Variants in PCDH15 observed in about 807,000 individuals in gnomAD.
PCDH15 encodes the protein protocadherin related 15.
Under a neutral mutation model 178.5 loss-of-function variants are expected in PCDH15, and 129 were observed. The observed-to-expected ratio is 0.72, with a 90% CI of 0.63 to 0.84. PCDH15 has a LOEUF of 0.84. Among genes scored for constraint, PCDH15 ranks in the 40% least tolerant of loss-of-function variants. The pLI is 0.00. For missense variants in PCDH15, 2,230 were observed against 2,099.9 expected (o/e 1.06, Z -1.21); for synonymous variants, 800 against 732.0 (o/e 1.09, Z -1.50).
At chr10:55,433,068 T>C (rs906835635) in intron 2 of PCDH15, among the ~76,000 whole-genome samples, 5 of 151,804 alleles carry the variant, frequency 3.3e-5, no homozygotes, top group African/African-American at 1.2e-4. Context: ...AAAACAGAAG[T>C]AGCATTCGAC....
intron 37 of PCDH15, chr10:53,808,160 C>CAGAT (rs2075725702): frequency 6.6e-6 from 1 of 152,154 alleles, no homozygotes. Context: ...CTTGAAGTTG[C>CAGAT]AGATACAAAC....
intron 21 of PCDH15, among the ~76,000 whole-genome samples, chr10:53,984,823 C>T (rs2134683842): frequency 6.6e-6 from 1 of 152,194 alleles, no homozygotes; most frequent in Non-Finnish European, 1.5e-5. Flanking sequence ...ATTTATGGTA[C>T]ATTGTATTAT....
chr10:54,277,441 T>C (rs993350052), intron 8 of PCDH15, among the ~76,000 whole-genome samples: 2 of 151,542 alleles, frequency 1.3e-5, no homozygotes, highest in Non-Finnish European at 3.0e-5. Context: ...CCTAATAAAA[T>C]TGTAGTTCCA....
intron 1 of PCDH15, among the ~76,000 whole-genome samples, chr10:54,780,061 A>C (rs1950212287): frequency 6.6e-6 from 1 of 152,118 alleles, no homozygotes; most frequent in African/African-American, 2.4e-5. Flanking sequence ...GTTTGCTTGA[A>C]TTCTATATAG....
At chr10:54,442,435 TA>T (rs2075870248) in intron 3 of PCDH15, among the ~76,000 whole-genome samples, 1 of 117,476 alleles carries the variant, frequency 8.5e-6, no homozygotes, top group South Asian at 2.6e-4. Context: ...TATATATATA[TA>T]TATATATATA....
intron 2 of PCDH15, among the ~76,000 whole-genome samples, chr10:55,388,613 A>G (rs1837719494): frequency 6.6e-6 from 1 of 152,090 alleles, no homozygotes; most frequent in Non-Finnish European, 1.5e-5. Flanking sequence ...TATATGTACA[A>G]TTACAGGGAT....
chr10:55,197,095 T>C (rs938341259), intron 1 of PCDH15, among the ~76,000 whole-genome samples: 1 of 151,966 alleles, frequency 6.6e-6, no homozygotes, highest in Non-Finnish European at 1.5e-5. Context: ...AATAAACAAG[T>C]ACTTCTCAGA....
intron 25 of PCDH15, among the ~76,000 whole-genome samples, chr10:53,937,536 A>G (rs2085684301): frequency 6.6e-6 from 1 of 152,190 alleles, no homozygotes; most frequent in East Asian, 1.9e-4. Flanking sequence ...TAAACAATTT[A>G]ATTATGTGAG....
chr10:54,532,769 A>C (rs555347686), intron 2 of PCDH15, among the ~76,000 whole-genome samples: 1 of 152,198 alleles, frequency 6.6e-6, no homozygotes, highest in Non-Finnish European at 1.5e-5. Context: ...AATGAAAAAA[A>C]AAAACAACTA....
At chr10:54,242,895 A>G (rs2055556807) in intron 8 of PCDH15, among the ~76,000 whole-genome samples, 1 of 152,180 alleles carries the variant, frequency 6.6e-6, no homozygotes, top group Non-Finnish European at 1.5e-5. Context: ...ATAAAAGCCA[A>G]ACTTTGATGT....
intron 3 of PCDH15, among the ~76,000 whole-genome samples, chr10:54,434,629 T>A (rs932246983): frequency 6.6e-6 from 1 of 152,166 alleles, no homozygotes; most frequent in African/African-American, 2.4e-5. Context: ...GCCAATCATG[T>A]TCACACAATG....
chr10:55,114,590 G>A (rs1295565082), intron 2 of PCDH15, among the ~76,000 whole-genome samples: 1 of 152,162 alleles, frequency 6.6e-6, no homozygotes, highest in Non-Finnish European at 1.5e-5. Context: ...GGCCAATGTG[G>A]TATGAAAGAA....
At position 54,777,306 on chromosome 10, in the gene PCDH15, A is replaced by G. The variant is rs144622983; in HGVS notation, c.-29+23619T>C. Among the ~76,000 whole-genome samples, 292 of 152,278 alleles carry G rather than the reference A, an allele frequency of 1.9e-3. 1 individual carries two copies. Among genetic ancestry groups the G allele is most frequent in the Non-Finnish European group, 3.6e-3 (248 of 68,016 alleles). On this transcript the variant is annotated intron_variant, in intron 1 of 37. Transcript: ENST00000644397. ...GCAGGGTGCGGATGTGTACTTGACCATAGCCATAGTGGTTCTCTTGAGATG... is the reference window on the plus strand; with the variant it reads ...GCAGGGTGCGGATGTGTACTTGACCGTAGCCATAGTGGTTCTCTTGAGATG...
At chr10:54,257,974 T>C (rs2057044443) in intron 8 of PCDH15, among the ~76,000 whole-genome samples, 1 of 152,150 alleles carries the variant, frequency 6.6e-6, no homozygotes, top group South Asian at 2.1e-4. Context: ...GTTGACCTAC[T>C]GCATGATGTC....
At chr10:54,717,587 C>T (rs2095496624) in intron 1 of PCDH15, among the ~76,000 whole-genome samples, 2 of 138,148 alleles carry the variant, frequency 1.4e-5, no homozygotes, top group South Asian at 2.3e-4. Flanking sequence ...GTTAGAATGG[C>T]AATCATTAAA....
intron 2 of PCDH15, among the ~76,000 whole-genome samples, chr10:55,510,176 A>C (rs1331433212): frequency 2.0e-5 from 3 of 152,028 alleles, no homozygotes; most frequent in Non-Finnish European, 4.4e-5. Context: ...CTCTTATAGT[A>C]AGTTATCACA....
chr10:55,453,301 A>G (rs1010293446), intron 2 of PCDH15, among the ~76,000 whole-genome samples: 7 of 152,160 alleles, frequency 4.6e-5, no homozygotes, highest in Admixed American at 4.6e-4. Context: ...ACATTTTCTG[A>G]TTTGAAATAC....
At chr10:53,978,793 G>T (rs977846880) in intron 21 of PCDH15, among the ~76,000 whole-genome samples, 1 of 151,068 alleles carries the variant, frequency 6.6e-6, no homozygotes, top group African/African-American at 2.4e-5. Flanking sequence ...CAAGTTCAAT[G>T]TTCCACAGAT....
chr10:53,910,576 G>A (rs574319953), intron 25 of PCDH15, among the ~76,000 whole-genome samples: 2 of 152,262 alleles, frequency 1.3e-5, no homozygotes, highest in Admixed American at 1.3e-4. Context: ...CAGAAAAGCT[G>A]AAAATTCTAA....
Sources: gnomAD v4.1 joint callset for allele counts (sites outside exome capture counted in the v4.1 genomes callset) on GRCh38, gnomAD v4.1.1 for gene constraint, MANE v1.5 for transcripts, NCBI Gene and HGNC (gene_info 2026-07-23, HGNC 2026-07-21) for gene names.